The following APC variants were observed in gnomAD, a reference collection of about 807,000 sequenced individuals.
The protein encoded by APC is adenomatous polyposis coli protein.
A neutral mutation model predicts 247.0 loss-of-function variants in APC; 72 were observed. That is an observed-to-expected ratio of 0.29 (90% CI 0.24 to 0.35). The LOEUF (loss-of-function observed/expected upper bound fraction) is 0.35. APC is among the 10% of genes least tolerant of loss of function. The probability of loss-of-function intolerance (pLI) is 1.00; values close to 1 mark genes in which losing one functional copy is unlikely to be tolerated. For synonymous variants in APC, 1,254 were observed against 1,162.5 expected (o/e 1.08, Z -1.60); for missense variants, 3,400 against 3,360.7 (o/e 1.01, Z -0.29).
rs1428789824 is a variant in APC at position 112,839,441 on chromosome 5, G to A, written c.3847G>A (p.Ala1283Thr). The A allele has an allele frequency of 6.2e-7, 1 of 1,613,998 alleles. No individual in the cohort carries two copies. Among genetic ancestry groups the A allele is most frequent in the East Asian group, 2.2e-5 (1 of 44,898 alleles). The change falls in exon 16 of 16, where the codon GCT (alanine) becomes ACT (threonine). Residue 1283 changes from alanine to threonine, a missense_variant. Transcript: ENST00000257430. The surrounding 1 kb of genome is among the most constrained non-coding windows in gnomAD (Gnocchi z 5.0). ...TAGTTCATTATCATCTTTGTCATCA[G>A]CTGAAGATGAAATAGGATGTAATCA... Reference protein sequence around the residue: ...RCSSLSSLSSAEDEIGCNQTT... With the variant: ...RCSSLSSLSSTEDEIGCNQTT...
intron 1 of APC, among the ~76,000 whole-genome samples, chr5:112,745,557 A>ATTATTG (rs1162416496): frequency 1.3e-4 from 19 of 147,766 alleles, no homozygotes; most frequent in Non-Finnish European, 1.5e-5. Flanking sequence ...CTTTATTATT[A>ATTATTG]TTATTATTAT....
At position 112,843,169 on chromosome 5, in the gene APC, C is replaced by A. The variant is rs767974190; in HGVS notation, c.7575C>A (p.Arg2525=). The change falls in exon 16 of 16, where the codon CGC becomes CGA. Residue 2525 remains arginine (R), a synonymous_variant. Transcript: ENST00000257430. The surrounding 1 kb of genome is among the most constrained non-coding windows in gnomAD (Gnocchi z 4.8). ...ATAATGATGGAAGACCAGCAAAGCG[C>A]CATGATATTGCACGGTCTCATTCTG... The part of the protein sequence containing the change: ...IEYNDGRPAK[R]HDIARSHSES... The A allele has an allele frequency of 3.1e-6, 5 of 1,613,642 alleles. No homozygotes were observed. The highest frequency in any genetic ancestry group is 1.6e-4 in the Middle Eastern group (1 of 6,062).
At position 112,744,174 on chromosome 5, in the gene APC, A is replaced by T. The variant is rs567830563; in HGVS notation, c.-19+6249A>T. Among the ~76,000 whole-genome samples, 5 of 152,186 alleles carry T rather than the reference A, an allele frequency of 3.3e-5. No individual in the cohort carries two copies. In the East Asian group the frequency reaches 9.7e-4, roughly 29 times the overall value. On this transcript the variant is annotated intron_variant, in intron 1 of 15. Transcript: ENST00000257430. Reference sequence around the variant, plus strand: ...ATATCTTTTTATGAAACACAGTTCAACCCATAACACTCCCTTAATACTTGG... The same window carrying T: ...ATATCTTTTTATGAAACACAGTTCATCCCATAACACTCCCTTAATACTTGG...
intron 5 of APC, among the ~76,000 whole-genome samples, chr5:112,779,123 T>C (rs1758045976): frequency 6.6e-6 from 1 of 152,184 alleles, no homozygotes; most frequent in Non-Finnish European, 1.5e-5. Flanking sequence ...GCCCTTAACA[T>C]GTTAACACTT....
At chr5:112,829,381 C>G (rs1203624454) in intron 14 of APC, 2 of 189,932 alleles carry the variant, frequency 1.1e-5, no homozygotes, top group Non-Finnish European at 2.2e-5. Context: ...TGTGATCTGC[C>G]CAACTCGGCC....
In APC at chr5:112,842,686, G is replaced by A. The variant is rs1341297319; in HGVS notation, c.7092G>A (p.Met2364Ile). Reference sequence around the variant, plus strand: ...CTAAGTCCTCAGGTTCTGGAAAAATGTCATATACATCTCCAGGTAGACAGA... The same window carrying A: ...CTAAGTCCTCAGGTTCTGGAAAAATATCATATACATCTCCAGGTAGACAGA... Reference protein sequence around the residue: ...ASTKSSGSGKMSYTSPGRQMS... With the variant: ...ASTKSSGSGKISYTSPGRQMS... Residue 2364 changes from methionine to isoleucine, a missense_variant, in exon 16 of 16, where the codon ATG becomes ATA. Around this residue, in one of 9 missense-constraint regions of APC, gnomAD observed 1,788 missense variants for 1,649.5 expected, o/e 1.08. Coordinates refer to ENST00000257430, the MANE Select transcript of APC (RefSeq NM_000038.6). 2.5e-6 allele frequency: 4 copies of A among 1,613,270 alleles called. No individual in the cohort carries two copies. The highest frequency in any genetic ancestry group is 3.4e-6 in the Non-Finnish European group (4 of 1,179,416).
rs1580530476 is a variant in APC at position 112,819,233 on chromosome 5, A to C, written c.1201A>C (p.Arg401=). 6.2e-7 allele frequency: 1 copy of C among 1,614,012 alleles called. No homozygotes were observed. The highest frequency in any genetic ancestry group is 8.5e-7 in the Non-Finnish European group (1 of 1,179,954). The change falls in exon 10 of 16, where the codon AGG becomes CGG. Residue 401 remains arginine (R), a synonymous_variant. Coordinates refer to ENST00000257430, the MANE Select transcript of APC (RefSeq NM_000038.6). ...IHSQPDDKRG[R]REIRVLHLLE... ...CTCACAGCCTGATGACAAGAGAGGC[A>C]GGCGTGAAATCCGAGTCCTTCATCT...
rs781226556 is a variant in APC, at chr5:112,843,147, A to G, written c.7553A>G (p.Asn2518Ser). The G allele has an allele frequency of 1.2e-6, 2 of 1,613,950 alleles. No individual in the cohort carries two copies. Among genetic ancestry groups the G allele is most frequent in the South Asian group, 2.2e-5 (2 of 91,082 alleles). ...AATCTCAGTCCCACTATAGAGTATA[A>G]TGATGGAAGACCAGCAAAGCGCCAT... ...PPNLSPTIEYNDGRPAKRHDI... is the reference protein window; with the variant it reads ...PPNLSPTIEYSDGRPAKRHDI... The change falls in exon 16 of 16, where the codon AAT (asparagine) becomes AGT (serine). Residue 2518 changes from asparagine (N) to serine (S), a missense_variant. Asn to Ser is a conservative substitution (Grantham distance 46, BLOSUM62 1). Transcript: ENST00000257430. This position sits in a 1 kb window ranked among gnomAD's most constrained non-coding sequence, Gnocchi z 4.8.
At chr5:112,803,847 T>A (rs1487553927) in intron 8 of APC, among the ~76,000 whole-genome samples, 1 of 152,200 alleles carries the variant, frequency 6.6e-6, no homozygotes, top group Non-Finnish European at 1.5e-5. Context: ...TTCTAGTATA[T>A]CCTTCATATT....
chr5:112,758,757 C>T (rs193141637), intron 2 of APC, among the ~76,000 whole-genome samples: 1,639 of 152,172 alleles, frequency 0.011, 24 homozygotes, highest in Non-Finnish European at 0.013. Flanking sequence ...GTCCCTACCG[C>T]CACGCCCGGC....
At chr5:112,752,062 A>C (rs1034461060) in intron 1 of APC, among the ~76,000 whole-genome samples, 1 of 151,990 alleles carries the variant, frequency 6.6e-6, no homozygotes, top group Non-Finnish European at 1.5e-5. Context: ...TATATTTTTC[A>C]TCTCTTTTGG....
intron 13 of APC, 86 bp downstream of exon 13, chr5:112,828,092 G>T: frequency 9.0e-7 from 1 of 1,114,594 alleles, no homozygotes; most frequent in Non-Finnish European, 1.3e-6. Context: ...TTAGAGGGCA[G>T]TTGTGCAATC....
At chr5:112,808,450 GT>G (rs1761647254) in intron 8 of APC, among the ~76,000 whole-genome samples, 2 of 152,160 alleles carry the variant, frequency 1.3e-5, no homozygotes, top group Admixed American at 1.3e-4. Context: ...GTTTTCTGGG[GT>G]TTTGTTTTTG....
At chr5:112,816,213 C>T (rs1298477384) in intron 9 of APC, among the ~76,000 whole-genome samples, 1 of 152,212 alleles carries the variant, frequency 6.6e-6, no homozygotes, top group East Asian at 1.9e-4. Flanking sequence ...TTTCACAAAA[C>T]ATTTTCTGAT....
At chr5:112,828,041 C>A (rs1314957354) in intron 13 of APC, 35 bp downstream of exon 13, 1 of 1,580,392 alleles carries the variant, frequency 6.3e-7, no homozygotes, top group Admixed American at 1.7e-5. Flanking sequence ...TTTCTTTTTT[C>A]TCTTTTTCTT....
At chr5:112,826,998 T>C (rs962738406) in intron 11 of APC, 110 bp from the exon 12 acceptor site, 4 of 1,047,832 alleles carry the variant, frequency 3.8e-6, no homozygotes, top group Admixed American at 4.2e-5. Context: ...ATTTAAACCA[T>C]ATATTCTCAT....
At chr5:112,726,698 C>G (rs962139937) in intron 1 of APC, among the ~76,000 whole-genome samples, 1 of 152,040 alleles carries the variant, frequency 6.6e-6, no homozygotes, top group Non-Finnish European at 1.5e-5. Context: ...TGTTTCCTGT[C>G]CGTATCATGT....
At position 112,801,324 on chromosome 5, in the gene APC, C is replaced by A. The variant is rs762117133; in HGVS notation, c.775C>A (p.Arg259=). 2.5e-6 allele frequency: 4 copies of A among 1,612,798 alleles called. No homozygotes were observed. The East Asian group carries it at 8.9e-5, about 36-fold the overall frequency. Residue 259 remains arginine, a synonymous_variant, in exon 8 of 16, where the codon CGG becomes AGG. Transcript: ENST00000257430. ...TGAAACCGGCTCACATGATGCTGAG[C>A]GGCAGAATGAAGGTCAAGGAGTGGG... ...KHETGSHDAE[R]QNEGQGVGEI...
At chr5:112,763,590 T>C (rs1161438771) in intron 2 of APC, among the ~76,000 whole-genome samples, 1 of 152,202 alleles carries the variant, frequency 6.6e-6, no homozygotes, top group Non-Finnish European at 1.5e-5. Flanking sequence ...AAAAATTAGA[T>C]GTATGTCCAA....
Sources: gnomAD v4.1 joint callset for allele counts (sites outside exome capture counted in the v4.1 genomes callset) on GRCh38, gnomAD v4.1.1 for gene constraint, gnomAD v4.1.1 regional missense constraint, Gnocchi (gnomAD v3.1) non-coding constraint, MANE v1.5 for transcripts, NCBI Gene and HGNC (gene_info 2026-07-23, HGNC 2026-07-21) for gene names.